SEPTIN2: variants seen among roughly 807,000 people sequenced by gnomAD.
SEPTIN2 encodes the protein septin 2.
Under a neutral mutation model 46.5 loss-of-function variants are expected in SEPTIN2, and 34 were observed. The observed-to-expected ratio is 0.73, with a 90% CI of 0.56 to 0.97. SEPTIN2 has a LOEUF of 0.97. SEPTIN2 is among the 50% of genes least tolerant of loss of function. The pLI is 0.00. For synonymous variants in SEPTIN2, 175 were observed against 153.4 expected (o/e 1.14, Z -1.04); for missense variants, 347 against 448.4 (o/e 0.77, Z 2.04).
At chr2:241,338,902 TTATATATAA>T (rs1222670395) in intron 7 of SEPTIN2, among the ~76,000 whole-genome samples, 2 of 79,386 alleles carry the variant, frequency 2.5e-5, no homozygotes, top group African/African-American at 1.0e-4. Flanking sequence ...ATTATATATA[TTATATATAA>T]TATATATAAT....
At chr2:241,341,671 T>TA (rs1179418302) in intron 7 of SEPTIN2, among the ~76,000 whole-genome samples, 1 of 152,184 alleles carries the variant, frequency 6.6e-6, no homozygotes, top group Non-Finnish European at 1.5e-5. Flanking sequence ...AGTTCTGAAT[T>TA]AGTGCAGACA....
Position 241,343,079 on chromosome 2 carries a change from A to G in SEPTIN2, c.682A>G (p.Thr228Ala), listed in dbSNP as rs1279057224. The G allele has an allele frequency of 3.8e-6, 6 of 1,590,832 alleles. No individual in the cohort carries two copies. Among genetic ancestry groups the G allele is most frequent in the Non-Finnish European group, 5.2e-6 (6 of 1,159,760 alleles). The part of the protein sequence containing the change: ...SDEDEDFKEQ[T>A]RLLKASIPFS... ...TGAAGATGAAGATTTTAAAGAGCAG[A>G]CTAGACTTCTCAAGGTAAGAACTGG... is the stretch of plus-strand genomic sequence containing the variant. The change falls in exon 8 of 13, where the codon ACT (threonine) becomes GCT (alanine). Residue 228 changes from threonine (T) to alanine (A), a missense_variant. Coordinates refer to ENST00000391971, the MANE Select transcript of SEPTIN2 (RefSeq NM_004404.5).
chr2:241,350,267 T>C (rs2060664334), intron 12 of SEPTIN2, 64 bp downstream of exon 12: 3 of 926,042 alleles, frequency 3.2e-6, no homozygotes, highest in Non-Finnish European at 4.8e-6. Context: ...AGCTTAAATA[T>C]GACAGGTTCC....
intron 10 of SEPTIN2, among the ~76,000 whole-genome samples, chr2:241,347,719 C>A (rs1025134651): frequency 1.3e-5 from 2 of 152,066 alleles, no homozygotes; most frequent in Admixed American, 6.5e-5. Flanking sequence ...TTCATTATAT[C>A]TTTAATTAGA....
intron 3 of SEPTIN2, among the ~76,000 whole-genome samples, chr2:241,328,770 C>T (rs936734096): frequency 6.9e-6 from 1 of 145,710 alleles, no homozygotes; most frequent in African/African-American, 2.6e-5. Context: ...GCCTGTAATC[C>T]CAGCACTTGA....
chr2:241,316,476 G>A, intron 1 of SEPTIN2: 1 of 1,501,794 alleles, frequency 6.7e-7, no homozygotes. Flanking sequence ...GGATGCCGTG[G>A]ATAAGCGAGG....
At chr2:241,348,228 GGTT>G (rs779456561) in intron 11 of SEPTIN2, 37 bp downstream of exon 11, 5 of 1,586,518 alleles carry the variant, frequency 3.2e-6, no homozygotes, top group Admixed American at 1.7e-5. Flanking sequence ...TTGGTTGGTT[GGTT>G]GTTTTGTTTG....
At chr2:241,338,743 T>C (rs1230636568) in intron 7 of SEPTIN2, among the ~76,000 whole-genome samples, 2 of 116,632 alleles carry the variant, frequency 1.7e-5, no homozygotes, top group Non-Finnish European at 3.3e-5. Context: ...TTATATTATT[T>C]ATATGTAATA....
chr2:241,318,385 A>T (rs550934945), intron 1 of SEPTIN2: 4 of 152,324 alleles, frequency 2.6e-5, no homozygotes, highest in South Asian at 2.1e-4. Context: ...TTGGCATTTA[A>T]TCTTTCCATG....
chr2:241,338,772 ATATT>A (rs1309470819), intron 7 of SEPTIN2, among the ~76,000 whole-genome samples: 1,779 of 30,346 alleles, frequency 0.059, 68 homozygotes, highest in African/African-American at 0.12. Flanking sequence ...TTGTTTATAT[ATATT>A]ATATTTATAT....
intron 3 of SEPTIN2, among the ~76,000 whole-genome samples, chr2:241,330,369 A>T (rs896530523): frequency 2.0e-5 from 3 of 152,238 alleles, no homozygotes; most frequent in Admixed American, 1.3e-4. Flanking sequence ...TTAAAAAATA[A>T]TGACTGCACC....
intron 1 of SEPTIN2, 30 bp from the exon 2 acceptor site, chr2:241,324,184 TTA>T (rs1454452402): frequency 6.2e-7 from 1 of 1,605,682 alleles, no homozygotes; most frequent in Non-Finnish European, 8.5e-7. Flanking sequence ...GTATGTGCGT[TTA>T]TGTGTGTCTG....
chr2:241,338,351 C>T lies in SEPTIN2; in HGVS notation c.594+561C>T, dbSNP rs543223098. On this transcript the variant is annotated intron_variant, in intron 7 of 12. Coordinates refer to ENST00000391971, the MANE Select transcript of SEPTIN2 (RefSeq NM_004404.5). The stretch of plus-strand genomic sequence containing the variant: ...GCTTACTTTGTTCTGATTATATGCT[C>T]CTTAAGAAAGTCCAAATAGTTTATA... 1.1e-4 allele frequency among the ~76,000 whole-genome samples: 16 copies of T among 151,928 alleles called. No homozygotes were observed. In the South Asian group the frequency reaches 2.9e-3, roughly 28 times the overall value.
At position 241,352,987 on chromosome 2, in the gene SEPTIN2, T is replaced by G. The variant is rs964551109; in HGVS notation, c.*1050T>G. Reference sequence around the variant, plus strand: ...CGTGCCCCTGAAGCCTGGCTTGGGTTGAAAAGTGTTCCCGCCCTAAGGCCT... The same window carrying G: ...CGTGCCCCTGAAGCCTGGCTTGGGTGGAAAAGTGTTCCCGCCCTAAGGCCT... On this transcript the variant is annotated 3_prime_UTR_variant, in exon 13 of 13. Coordinates refer to ENST00000391971, the MANE Select transcript of SEPTIN2 (RefSeq NM_004404.5). The G allele has an allele frequency of 6.6e-6, 1 of 152,258 alleles. No individual in the cohort carries two copies. The allele number at this position is 152,258 out of a possible 1,614,324, so 9.4% of individuals were successfully genotyped here.
intron 12 of SEPTIN2, 80 bp from the exon 13 acceptor site, chr2:241,351,887 G>A (rs1344058724): frequency 6.6e-6 from 1 of 152,396 alleles, no homozygotes; most frequent in South Asian, 2.1e-4. Flanking sequence ...TTGTTAAGGA[G>A]AAAAGTAGAA....
Position 241,344,024 on chromosome 2 carries a change from A to C in SEPTIN2, c.842+127A>C, listed in dbSNP as rs1024502304. ...TTCATTGCCGCCCTCAGTGTTTCTC[A>C]CATCGCAGAAGTGGTGTGGGGCTGT... On this transcript the variant is annotated intron_variant, in intron 9 of 12. Transcript: ENST00000391971. 4.3e-6 allele frequency: 5 copies of C among 1,171,538 alleles called. No homozygotes were observed. The African/African-American group carries it at 4.6e-5, about 11-fold the overall frequency. The allele number at this position is 1,171,538 out of a possible 1,614,324, so 72.6% of individuals were successfully genotyped here.
At position 241,352,846 on chromosome 2, in the gene SEPTIN2, G is replaced by A. The variant is rs923150560; in HGVS notation, c.*909G>A. 1 of 152,196 alleles carries A rather than the reference G, an allele frequency of 6.6e-6. No homozygotes were observed. The highest frequency in any genetic ancestry group is 6.5e-5 in the Admixed American group (1 of 15,282). 9.4% of individuals were successfully genotyped at this position (152,196 alleles called of 1,614,324 possible). On this transcript the variant is annotated 3_prime_UTR_variant, in exon 13 of 13. Transcript: ENST00000391971. ...AAAATTTTTTTAAGGAAAATTAGCA[G>A]TTGGTCTATTCAGAATCAAACCTTT...
chr2:241,352,240 T>C lies in SEPTIN2; in HGVS notation c.*303T>C, dbSNP rs2060847150. 6.5e-6 allele frequency: 1 copy of C among 152,688 alleles called. No homozygotes were observed. The highest frequency in any genetic ancestry group is 6.5e-5 in the Admixed American group (1 of 15,288). The allele number at this position is 152,688 out of a possible 1,614,324, so 9.5% of individuals were successfully genotyped here. A position where few individuals can be genotyped will look rare whatever the true frequency, so the allele number is the denominator to read the frequency against. ...ATTTCCAAGAATCGGCATGTATACT[T>C]AATACTGAATTTCTTTGATTTAACT... On this transcript the variant is annotated 3_prime_UTR_variant, in exon 13 of 13. Transcript: ENST00000391971.
Position 241,329,476 on chromosome 2 carries a change from G to A in SEPTIN2, c.130+3363G>A, listed in dbSNP as rs546384639. Among the ~76,000 whole-genome samples, 12 of 152,276 alleles carry A rather than the reference G, an allele frequency of 7.9e-5. No homozygotes were observed. The South Asian group carries it at 2.5e-3, about 32-fold the overall frequency. ...CCTACCAGCCTATTTTATTAAGCCA[G>A]CATTATCCTATTACAAATGACAAGA... On this transcript the variant is annotated intron_variant, in intron 3 of 12. Transcript: ENST00000391971.
Sources: allele counts gnomAD v4.1 joint callset (sites outside exome capture counted in the v4.1 genomes callset), GRCh38; gene constraint gnomAD v4.1.1; transcripts MANE v1.5; gene names NCBI Gene and HGNC (gene_info 2026-07-23, HGNC 2026-07-21).